Variants in SRPK2 observed in about 807,000 individuals in gnomAD.
The protein encoded by SRPK2 is SFRS protein kinase 2.
SRPK2 carries 21 observed loss-of-function variants against 90.8 expected under a neutral mutation model. The ratio of observed to expected loss-of-function variants is 0.23; its 90% CI spans 0.16 to 0.33. The LOEUF is 0.33. Among genes scored for constraint, SRPK2 ranks in the 10% least tolerant of loss-of-function variants. The pLI is 1.00. For synonymous variants in SRPK2, 288 were observed against 311.1 expected (o/e 0.93, Z 0.78); for missense variants, 620 against 869.0 (o/e 0.71, Z 3.60).
chr7:105,236,532 G>A (rs1271578612), intron 2 of SRPK2, among the ~76,000 whole-genome samples: 3 of 151,876 alleles, frequency 2.0e-5, no homozygotes, highest in Non-Finnish European at 4.4e-5. Flanking sequence ...GGGGAAAATA[G>A]GTTTTATTCC....
intron 2 of SRPK2, among the ~76,000 whole-genome samples, chr7:105,327,685 T>C (rs1028665745): frequency 2.6e-5 from 4 of 152,234 alleles, no homozygotes; most frequent in Admixed American, 2.0e-4. Context: ...CCCCAGGGCC[T>C]AGCAATGCCC....
rs535414387 is a variant in SRPK2 at position 105,250,478 on chromosome 7, T to C, written c.72-46693A>G. 1.3e-4 allele frequency among the ~76,000 whole-genome samples: 20 copies of C among 152,224 alleles called. No homozygotes were observed. In the East Asian group the frequency reaches 3.5e-3, roughly 26 times the overall value. On this transcript the variant is annotated intron_variant, in intron 2 of 15. Coordinates refer to ENST00000393651, the MANE Select transcript of SRPK2 (RefSeq NM_182692.3). Reference sequence around the variant, plus strand: ...TGGCTGTGTTGGATTTACAGAAGTATGTCATCAGTCACTGTAATTTCACAT... The same window carrying C: ...TGGCTGTGTTGGATTTACAGAAGTACGTCATCAGTCACTGTAATTTCACAT...
At position 105,375,695 on chromosome 7, in the gene SRPK2, G is replaced by A. The variant is rs187232832; in HGVS notation, c.71+12953C>T. On this transcript the variant is annotated intron_variant, in intron 2 of 15. Transcript: ENST00000393651. The stretch of plus-strand genomic sequence containing the variant: ...AACAAAAGCCTAACAACCACAAAAC[G>A]GCCAACCTTTACTGAATATTTACCA... Among the ~76,000 whole-genome samples the A allele has an allele frequency of 2.2e-4, 33 of 152,160 alleles. 1 individual carries two copies. The highest frequency in any genetic ancestry group is 1.8e-3 in the Admixed American group (27 of 15,266).
At chr7:105,241,441 A>T (rs1424159262) in intron 2 of SRPK2, among the ~76,000 whole-genome samples, 3 of 152,108 alleles carry the variant, frequency 2.0e-5, no homozygotes, top group African/African-American at 7.2e-5. Flanking sequence ...CATTCCTCTA[A>T]ATCAAGTTGT....
rs185073676 is a variant in SRPK2, at chr7:105,166,091, G to A, written c.514+1286C>T. Among the ~76,000 whole-genome samples, 23 of 152,286 alleles carry A rather than the reference G, an allele frequency of 1.5e-4. 2 individuals are homozygous for A. The highest frequency in any genetic ancestry group is 5.1e-4 in the African/African-American group (21 of 41,560). ...GGCCATCCATCCTTTTAAAAAACAT[G>A]AGAAACACCTACACTTATAGCTGAC... On this transcript the variant is annotated intron_variant, in intron 6 of 15. Transcript: ENST00000393651.
At chr7:105,241,258 T>G (rs1032237468) in intron 2 of SRPK2, among the ~76,000 whole-genome samples, 1 of 152,216 alleles carries the variant, frequency 6.6e-6, no homozygotes, top group African/African-American at 2.4e-5. Context: ...ATTGAATAGG[T>G]AACTTGTGCT....
intron 3 of SRPK2, among the ~76,000 whole-genome samples, chr7:105,195,334 C>A (rs1271697543): frequency 6.6e-6 from 1 of 152,260 alleles, no homozygotes; most frequent in Non-Finnish European, 1.5e-5. Context: ...CAGGCGTGGG[C>A]CACCATGCCC....
chr7:105,391,723 C>A (rs1822188402), upstream of SRPK2, among the ~76,000 whole-genome samples: 2 of 152,148 alleles, frequency 1.3e-5, no homozygotes, highest in Non-Finnish European at 2.9e-5. Flanking sequence ...ATTTTGGAAC[C>A]CTCATATGTT....
rs543121144 is a variant in SRPK2 at position 105,205,517 on chromosome 7, TCA to T, written c.72-1734_72-1733del. Among the ~76,000 whole-genome samples the T allele has an allele frequency of 9.8e-3, 938 of 95,744 alleles. 5 individuals are homozygous for T. Among genetic ancestry groups the T allele is most frequent in the African/African-American group, 0.021 (583 of 28,016 alleles). The allele number at this position is 95,744 out of a possible 152,430, so 62.8% of individuals were successfully genotyped here. A position where few individuals can be genotyped will look rare whatever the true frequency, so the allele number is the denominator to read the frequency against. On this transcript the variant is annotated intron_variant, in intron 2 of 15. Coordinates refer to ENST00000393651, the MANE Select transcript of SRPK2 (RefSeq NM_182692.3). ...TTCATTCTCTCTCTCTCTCTCTCTC[TCA>T]CACACACACACACACACACACACAC...
Position 105,277,421 on chromosome 7 carries a change from C to T in SRPK2, c.72-73636G>A, listed in dbSNP as rs115987075. Among the ~76,000 whole-genome samples, 418 of 152,262 alleles carry T rather than the reference C, an allele frequency of 2.7e-3. 1 individual carries two copies. Among genetic ancestry groups the T allele is most frequent in the African/African-American group, 9.3e-3 (385 of 41,552 alleles). ...ACTTCTCGCTGAAATGCAAAAGGCC[C>T]GCAAAGGCTTTTCTGGCTCAGGTGC... On this transcript the variant is annotated intron_variant, in intron 2 of 15. Transcript: ENST00000393651.
At chr7:105,384,494 C>T (rs919540796) in intron 2 of SRPK2, among the ~76,000 whole-genome samples, 10 of 152,116 alleles carry the variant, frequency 6.6e-5, no homozygotes, top group Non-Finnish European at 7.4e-5. Context: ...CTTGTATATA[C>T]AAAAGTAGAT....
rs1821992297 is a variant in SRPK2 at position 105,388,884 on chromosome 7, C to T, written c.-78G>A. On this transcript the variant is annotated 5_prime_UTR_variant, in exon 1 of 16. The change creates a new upstream start codon in the 5' untranslated region. Transcript: ENST00000393651. ...GAGACGAGCTGGGCTGCAGCCTCCA[C>T]TCGCTCCGCCGGCCGGGAGGAGACG... 8.0e-7 allele frequency: 1 copy of T among 1,246,790 alleles called. No individual in the cohort carries two copies. 77.2% of individuals were successfully genotyped at this position (1,246,790 alleles called of 1,614,324 possible). A position where few individuals can be genotyped will look rare whatever the true frequency, so the allele number is the denominator to read the frequency against.
intron 2 of SRPK2, among the ~76,000 whole-genome samples, chr7:105,299,134 C>T (rs902460539): frequency 1.3e-5 from 2 of 152,204 alleles, no homozygotes; most frequent in African/African-American, 4.8e-5. Context: ...GAGAATGAGC[C>T]TCTGTTTCTC....
intron 2 of SRPK2, among the ~76,000 whole-genome samples, chr7:105,298,955 T>G (rs1474757508): frequency 6.6e-6 from 1 of 152,148 alleles, no homozygotes; most frequent in Non-Finnish European, 1.5e-5. Context: ...AACCCTCTCC[T>G]ACATCCCACT....
At chr7:105,382,607 A>G (rs1242631145) in intron 2 of SRPK2, among the ~76,000 whole-genome samples, 3 of 151,126 alleles carry the variant, frequency 2.0e-5, no homozygotes, top group Admixed American at 2.0e-4. Flanking sequence ...AGGCAACAAC[A>G]TGGATGAATC....
chr7:105,275,751 C>A (rs1177877060), intron 2 of SRPK2, among the ~76,000 whole-genome samples: 1 of 152,098 alleles, frequency 6.6e-6, no homozygotes, highest in Non-Finnish European at 1.5e-5. Context: ...AAGATACAGA[C>A]ATCCTAGGAG....
intron 3 of SRPK2, among the ~76,000 whole-genome samples, chr7:105,179,824 CAAAAAAAAAAAA>C (rs1185836588): frequency 1.3e-4 from 8 of 60,266 alleles, no homozygotes; most frequent in African/African-American, 3.5e-4. Flanking sequence ...GAGTCCATCT[CAAAAAAAAAAAA>C]AAAAAAAAAA....
chr7:105,373,855 C>G (rs945658165), intron 2 of SRPK2, among the ~76,000 whole-genome samples: 1 of 152,138 alleles, frequency 6.6e-6, no homozygotes, highest in African/African-American at 2.4e-5. Flanking sequence ...ACCATACTTC[C>G]TTTTCGGTTC....
intron 2 of SRPK2, among the ~76,000 whole-genome samples, chr7:105,367,707 G>C (rs1460405899): frequency 6.6e-6 from 1 of 152,136 alleles, no homozygotes; most frequent in Non-Finnish European, 1.5e-5. Flanking sequence ...CTTTATGTTT[G>C]CACTTCTCTT....
Sources: gnomAD v4.1 joint callset for allele counts (sites outside exome capture counted in the v4.1 genomes callset) on GRCh38, gnomAD v4.1.1 for gene constraint, MANE v1.5 for transcripts, NCBI Gene and HGNC (gene_info 2026-07-23, HGNC 2026-07-21) for gene names.